The following COX7B2 variants were observed in gnomAD, a reference collection of about 807,000 sequenced individuals.
The protein encoded by COX7B2 is cytochrome c oxidase subunit 7B2, also known as cytochrome c oxidase subunit 7B2, mitochondrial.
For synonymous variants in COX7B2, 37 were observed against 32.1 expected (o/e 1.15, Z -0.51); for missense variants, 109 against 95.9 (o/e 1.14, Z -0.57).
At chr4:46,755,086 A>T (rs1715698146) in intron 2 of COX7B2, among the ~76,000 whole-genome samples, 1 of 151,872 alleles carries the variant, frequency 6.6e-6, no homozygotes, top group East Asian at 1.9e-4. Flanking sequence ...AAAATGATAC[A>T]CAATATTAAG....
At chr4:46,809,453 G>A (rs1719175680) in intron 2 of COX7B2, among the ~76,000 whole-genome samples, 1 of 151,606 alleles carries the variant, frequency 6.6e-6, no homozygotes, top group Non-Finnish European at 1.5e-5. Context: ...TCTTCCATAA[G>A]TTTTGGTATG....
At chr4:46,849,816 TC>T (rs1385488563) in intron 1 of COX7B2, among the ~76,000 whole-genome samples, 1 of 152,000 alleles carries the variant, frequency 6.6e-6, no homozygotes, top group Non-Finnish European at 1.5e-5. Context: ...TAGGTATATC[TC>T]CAAATGCTAT....
chr4:46,826,403 G>C (rs1403574256), intron 2 of COX7B2, among the ~76,000 whole-genome samples: 1 of 152,042 alleles, frequency 6.6e-6, no homozygotes, highest in Non-Finnish European at 1.5e-5. Context: ...ATAAGGAAAT[G>C]CTTATACGCT....
intron 1 of COX7B2, among the ~76,000 whole-genome samples, chr4:46,871,598 C>T (rs997657556): frequency 6.6e-6 from 1 of 151,008 alleles, no homozygotes; most frequent in Non-Finnish European, 1.5e-5. Flanking sequence ...TGACAAAGGT[C>T]TAATACCCAG....
At chr4:46,838,670 A>G (rs763872083) in intron 2 of COX7B2, among the ~76,000 whole-genome samples, 11 of 152,030 alleles carry the variant, frequency 7.2e-5, no homozygotes, top group Non-Finnish European at 1.6e-4. Flanking sequence ...GTTAAGGCAC[A>G]CTGAAGATGG....
chr4:46,879,634 C>G (rs1718579873), intron 1 of COX7B2, among the ~76,000 whole-genome samples: 1 of 150,940 alleles, frequency 6.6e-6, no homozygotes, highest in African/African-American at 2.4e-5. Context: ...TTTATAATTG[C>G]AAGTTTTTCT....
chr4:46,830,362 G>A (rs906538276), intron 2 of COX7B2, among the ~76,000 whole-genome samples: 2 of 150,542 alleles, frequency 1.3e-5, no homozygotes, highest in South Asian at 2.1e-4. Flanking sequence ...AAGAGAAAAC[G>A]GAGAGAAAAG....
chr4:46,889,955 A>G (rs1719331957), intron 1 of COX7B2, among the ~76,000 whole-genome samples: 1 of 144,018 alleles, frequency 6.9e-6, no homozygotes, highest in Non-Finnish European at 1.5e-5. Flanking sequence ...TACTTTTATT[A>G]TGAGGGAAAA....
At chr4:46,747,603 T>C (rs1715102134) in intron 2 of COX7B2, among the ~76,000 whole-genome samples, 1 of 152,132 alleles carries the variant, frequency 6.6e-6, no homozygotes, top group Non-Finnish European at 1.5e-5. Flanking sequence ...TGGCTGGCCT[T>C]AGCTCCCACT....
chr4:46,828,757 G>A lies in COX7B2; in HGVS notation c.-50+16203C>T, dbSNP rs563724211. On this transcript the variant is annotated intron_variant, in intron 2 of 2. Coordinates refer to ENST00000355591, the MANE Select transcript of COX7B2 (RefSeq NM_130902.3). ...GAAAACATGAACACATCAATATATG[G>A]AGTAATATTATATAGTTTTCAGGGA... 2.0e-5 allele frequency among the ~76,000 whole-genome samples: 3 copies of A among 152,106 alleles called. No individual in the cohort carries two copies. In the East Asian group the frequency reaches 5.8e-4, roughly 29 times the overall value.
At chr4:46,741,255 G>A (rs1222902580) in intron 2 of COX7B2, among the ~76,000 whole-genome samples, 1 of 152,004 alleles carries the variant, frequency 6.6e-6, no homozygotes, top group Non-Finnish European at 1.5e-5. Context: ...AGGCATTAAG[G>A]GGTATATCAG....
At chr4:46,763,271 T>G (rs974949736) in intron 2 of COX7B2, among the ~76,000 whole-genome samples, 1 of 143,518 alleles carries the variant, frequency 7.0e-6, no homozygotes, top group Non-Finnish European at 1.5e-5. Flanking sequence ...CACAATTGTT[T>G]GTTTCAATTT....
At chr4:46,888,236 G>T (rs1719200857) in intron 1 of COX7B2, among the ~76,000 whole-genome samples, 1 of 151,998 alleles carries the variant, frequency 6.6e-6, no homozygotes, top group Non-Finnish European at 1.5e-5. Context: ...GGTAATAGAT[G>T]GTGCATTCAA....
chr4:46,774,658 T>G (rs1717058169), intron 2 of COX7B2, among the ~76,000 whole-genome samples: 1 of 152,004 alleles, frequency 6.6e-6, no homozygotes, highest in Non-Finnish European at 1.5e-5. Context: ...ATTATTTATT[T>G]TTTTCTCTTT....
intron 2 of COX7B2, among the ~76,000 whole-genome samples, chr4:46,795,007 GT>G (rs1343988395): frequency 0.031 from 4,668 of 149,248 alleles, 279 homozygotes; most frequent in African/African-American, 0.1. Flanking sequence ...CTTTTGAGAA[GT>G]GTCTGTTCAT....
chr4:46,823,950 G>T (rs1308654928), intron 2 of COX7B2, among the ~76,000 whole-genome samples: 1 of 147,780 alleles, frequency 6.8e-6, no homozygotes, highest in East Asian at 2.0e-4. Context: ...ATACCCAAAA[G>T]ACAATTTTAA....
At position 46,804,749 on chromosome 4, in the gene COX7B2, G is replaced by A. The variant is rs573134459; in HGVS notation, c.-50+40211C>T. 3.3e-5 allele frequency among the ~76,000 whole-genome samples: 5 copies of A among 152,334 alleles called. No homozygotes were observed. In the East Asian group the frequency reaches 5.8e-4, roughly 18 times the overall value. ...GTTCTCCAAGTCCCCACCAGACTCA[G>A]GAGCCCAGTTGGCTTCACCCAGTGT... On this transcript the variant is annotated intron_variant, in intron 2 of 2. Transcript: ENST00000355591.
At chr4:46,768,640 A>C (rs531837562) in intron 2 of COX7B2, among the ~76,000 whole-genome samples, 1 of 152,248 alleles carries the variant, frequency 6.6e-6, no homozygotes, top group East Asian at 1.9e-4. Context: ...AAGAAAAAGA[A>C]ACATCTCAAA....
In COX7B2 at chr4:46,807,498, GTTTT is replaced by G. The variant is rs141576144; in HGVS notation, c.-50+37458_-50+37461del. Among the ~76,000 whole-genome samples the G allele has an allele frequency of 5.2e-3, 793 of 151,862 alleles. 9 individuals are homozygous for G. Among genetic ancestry groups the G allele is most frequent in the African/African-American group, 0.018 (756 of 41,488 alleles). On this transcript the variant is annotated intron_variant, in intron 2 of 2. Transcript: ENST00000355591. The stretch of plus-strand genomic sequence containing the variant: ...TTGCTATTTTCTTTGCTATACAGGA[GTTTT>G]TTTAGTTTGATGTAGTCTCATTTAT...
Sources: gnomAD v4.1 joint callset for allele counts (sites outside exome capture counted in the v4.1 genomes callset) on GRCh38, gnomAD v4.1.1 for gene constraint, MANE v1.5 for transcripts, NCBI Gene and HGNC (gene_info 2026-07-23, HGNC 2026-07-21) for gene names.